OPCML: variants seen among roughly 807,000 people sequenced by gnomAD.
The protein encoded by OPCML is opioid binding protein/cell adhesion molecule like.
OPCML carries 13 observed loss-of-function variants against 37.8 expected under a neutral mutation model. That is an observed-to-expected ratio of 0.34 (90% CI 0.22 to 0.55). OPCML has a LOEUF of 0.55. OPCML is among the 20% of genes least tolerant of loss of function. The pLI, the probability that OPCML is intolerant of heterozygous loss-of-function variation, is 0.91. For synonymous variants in OPCML, 176 were observed against 168.8 expected, an observed-to-expected ratio of 1.04 and a Z score of -0.33; for missense variants, 341 against 435.6, an observed-to-expected ratio of 0.78 and a Z score of 1.93.
intron 2 of OPCML, among the ~76,000 whole-genome samples, chr11:132,912,938 A>C (rs1944476392): frequency 6.6e-6 from 1 of 152,204 alleles, no homozygotes. Flanking sequence ...TATGTCAGGG[A>C]CTATTTGATG....
intron 2 of OPCML, among the ~76,000 whole-genome samples, chr11:132,712,625 A>G (rs1244945267): frequency 6.6e-6 from 1 of 152,186 alleles, no homozygotes; most frequent in Non-Finnish European, 1.5e-5. Context: ...CCGCGTGTCA[A>G]TAAAACTCTG....
intron 3 of OPCML, among the ~76,000 whole-genome samples, chr11:132,539,669 G>A (rs190724319): frequency 6.6e-6 from 1 of 152,104 alleles, no homozygotes; most frequent in East Asian, 1.9e-4. Flanking sequence ...TAGTGATGGT[G>A]ATTATGGTGA....
chr11:132,598,358 G>A (rs376984060), intron 3 of OPCML, among the ~76,000 whole-genome samples: 1 of 152,106 alleles, frequency 6.6e-6, no homozygotes, highest in South Asian at 2.1e-4. Flanking sequence ...CAGGCTACCT[G>A]GAACATAGTA....
At chr11:132,712,565 A>G (rs1443705257) in intron 2 of OPCML, among the ~76,000 whole-genome samples, 2 of 152,228 alleles carry the variant, frequency 1.3e-5, no homozygotes, top group Admixed American at 1.3e-4. Flanking sequence ...TCCCACCCCA[A>G]GAACATGGGA....
intron 1 of OPCML, among the ~76,000 whole-genome samples, chr11:133,125,815 ATAG>A (rs1949500256): frequency 6.8e-6 from 1 of 146,430 alleles, no homozygotes; most frequent in Non-Finnish European, 1.5e-5. Context: ...ACACATGTAT[ATAG>A]TATATACACA....
At chr11:133,007,156 C>T (rs1947129556) in intron 1 of OPCML, 3 of 985,422 alleles carry the variant, frequency 3.0e-6, no homozygotes, top group South Asian at 9.4e-5. Flanking sequence ...CAGGTACATG[C>T]CCACAGATTG....
intron 1 of OPCML, among the ~76,000 whole-genome samples, chr11:133,197,855 C>A (rs545062304): frequency 3.2e-4 from 49 of 152,148 alleles, no homozygotes; most frequent in Admixed American, 9.2e-4. Flanking sequence ...AGTCAAAGAA[C>A]GGGTGAAAAA....
At chr11:132,685,294 A>G (rs1943118018) in intron 2 of OPCML, among the ~76,000 whole-genome samples, 1 of 152,202 alleles carries the variant, frequency 6.6e-6, no homozygotes, top group Non-Finnish European at 1.5e-5. Flanking sequence ...CAGAATACAT[A>G]TGACATTTCT....
intron 2 of OPCML, among the ~76,000 whole-genome samples, chr11:132,698,165 GTAAGA>G (rs1303553277): frequency 6.6e-6 from 1 of 151,976 alleles, no homozygotes; most frequent in African/African-American, 2.4e-5. Flanking sequence ...ATACCCAGAA[GTAAGA>G]TTGCTGGATC....
intron 3 of OPCML, among the ~76,000 whole-genome samples, chr11:132,559,723 A>G (rs925741782): frequency 1.3e-5 from 2 of 152,206 alleles, no homozygotes; most frequent in African/African-American, 4.8e-5. Context: ...TTTCAAGAAG[A>G]TAAGACGAAA....
intron 4 of OPCML, among the ~76,000 whole-genome samples, chr11:132,449,268 G>T (rs1023753087): frequency 6.6e-6 from 1 of 152,212 alleles, no homozygotes; most frequent in Non-Finnish European, 1.5e-5. Context: ...GTAATGTCTT[G>T]TGTTAATGGG....
At chr11:132,571,710 G>A (rs1293210598) in intron 3 of OPCML, among the ~76,000 whole-genome samples, 2 of 152,134 alleles carry the variant, frequency 1.3e-5, no homozygotes, top group Non-Finnish European at 2.9e-5. Context: ...CTTAGCTATC[G>A]TGAATAGTGC....
chr11:133,163,253 C>T (rs1047036670), intron 1 of OPCML, among the ~76,000 whole-genome samples: 2 of 152,150 alleles, frequency 1.3e-5, no homozygotes, highest in South Asian at 2.1e-4. Context: ...CACCACAGCA[C>T]GTGTTCCTGC....
At chr11:132,586,235 GC>G (rs754742181) in intron 3 of OPCML, among the ~76,000 whole-genome samples, 11 of 152,288 alleles carry the variant, frequency 7.2e-5, no homozygotes, top group Middle Eastern at 3.4e-3. Context: ...AATCAAACTA[GC>G]AAGTAAAAGA....
intron 3 of OPCML, among the ~76,000 whole-genome samples, chr11:132,562,543 A>C (rs1359805606): frequency 6.6e-6 from 1 of 152,302 alleles, no homozygotes; most frequent in South Asian, 2.1e-4. Flanking sequence ...AACTGATGGC[A>C]AAGCCAAAAC....
intron 3 of OPCML, among the ~76,000 whole-genome samples, chr11:132,636,076 A>C (rs1403163510): frequency 6.6e-6 from 1 of 152,234 alleles, no homozygotes; most frequent in Non-Finnish European, 1.5e-5. Flanking sequence ...TTGTGTATGC[A>C]AATGAGTGTT....
rs189529102 is a variant in OPCML at position 132,439,276 on chromosome 11, C to T, written c.506-1917G>A. Among the ~76,000 whole-genome samples, 7 of 152,300 alleles carry T rather than the reference C, an allele frequency of 4.6e-5. No individual in the cohort carries two copies. The East Asian group carries it at 1.4e-3, about 29-fold the overall frequency. ...TCTGAAATAGTGACCCACATGCTCC[C>T]AGCCTAGGATCTGAGCGTCTCTCCT... On this transcript the variant is annotated intron_variant, in intron 4 of 7. Transcript: ENST00000524381.
chr11:133,473,170 C>T (rs1947155039), intron 1 of OPCML, among the ~76,000 whole-genome samples: 1 of 151,770 alleles, frequency 6.6e-6, no homozygotes, highest in Non-Finnish European at 1.5e-5. Context: ...TTGACTTTGA[C>T]CTCCCCCTAA....
intron 1 of OPCML, among the ~76,000 whole-genome samples, chr11:133,475,742 C>T (rs559073955): frequency 1.3e-5 from 2 of 152,078 alleles, no homozygotes; most frequent in South Asian, 2.1e-4. Context: ...TTAAACCCAG[C>T]GTATTACAGA....
Sources: gnomAD v4.1 joint callset for allele counts (sites outside exome capture counted in the v4.1 genomes callset) on GRCh38, gnomAD v4.1.1 for gene constraint, MANE v1.5 for transcripts, NCBI Gene and HGNC (gene_info 2026-07-23, HGNC 2026-07-21) for gene names.